The following BAZ1A variants were observed in gnomAD, a reference collection of about 807,000 sequenced individuals.
The protein encoded by BAZ1A is bromodomain adjacent to zinc finger domain 1A.
BAZ1A carries 50 observed loss-of-function variants against 185.2 expected under a neutral mutation model. That is an observed-to-expected ratio of 0.27 (90% CI 0.22 to 0.34). The LOEUF is 0.34. Among genes scored for constraint, BAZ1A ranks in the 10% least tolerant of loss-of-function variants. The pLI, the probability that BAZ1A is intolerant of heterozygous loss-of-function variation, is 1.00. For missense variants in BAZ1A, 1,356 were observed against 1,839.9 expected (o/e 0.74, Z 4.81); for synonymous variants, 571 against 615.6 (o/e 0.93, Z 1.07).
intron 3 of BAZ1A, among the ~76,000 whole-genome samples, chr14:34,852,514 G>A (rs536557547): frequency 5.3e-4 from 81 of 152,264 alleles, no homozygotes; most frequent in African/African-American, 1.9e-3. Context: ...AGCTACTTGG[G>A]AGGCTGGGGC....
At chr14:34,764,224 T>C (rs1878646822) in intron 23 of BAZ1A, among the ~76,000 whole-genome samples, 2 of 152,084 alleles carry the variant, frequency 1.3e-5, no homozygotes, top group Non-Finnish European at 2.9e-5. Flanking sequence ...TATTTTTGAA[T>C]GTTTATAATA....
In BAZ1A at chr14:34,753,326, A is replaced by G; in HGVS notation, c.*182T>C. 1 of 620,592 alleles carries G rather than the reference A, an allele frequency of 1.6e-6. No individual in the cohort carries two copies. Among genetic ancestry groups the G allele is most frequent in the Non-Finnish European group, 2.8e-6 (1 of 362,798 alleles). 38.4% of individuals were successfully genotyped at this position (620,592 alleles called of 1,614,324 possible). On this transcript the variant is annotated 3_prime_UTR_variant, in exon 27 of 27. Transcript: ENST00000360310. ...ATCAAACTTATTAGATACTGAACAA[A>G]ACTGTAGCAAAGGATATCTTTCCTA...
chr14:34,803,425 A>G (rs951791626), intron 6 of BAZ1A, among the ~76,000 whole-genome samples: 2 of 151,274 alleles, frequency 1.3e-5, no homozygotes, highest in African/African-American at 4.8e-5. Flanking sequence ...TTAGAATTTT[A>G]TGCATTATTG....
intron 3 of BAZ1A, among the ~76,000 whole-genome samples, chr14:34,838,531 T>TC (rs1272746049): frequency 5.3e-5 from 8 of 151,908 alleles, no homozygotes; most frequent in Non-Finnish European, 7.4e-5. Context: ...TTTTTTCTTT[T>TC]TTTTTTTGGA....
chr14:34,779,957 A>G (rs1879929623), intron 17 of BAZ1A, among the ~76,000 whole-genome samples: 1 of 152,240 alleles, frequency 6.6e-6, no homozygotes, highest in Non-Finnish European at 1.5e-5. Flanking sequence ...TCTTCTTTCT[A>G]AAGTATAGAT....
intron 4 of BAZ1A, 55 bp downstream of exon 4, chr14:34,825,958 G>T: frequency 6.9e-7 from 1 of 1,446,998 alleles, no homozygotes; most frequent in Non-Finnish European, 9.2e-7. Flanking sequence ...TTATTTCAAT[G>T]GAATATCATT....
chr14:34,807,537 G>T lies in BAZ1A; in HGVS notation c.640C>A (p.Arg214=). The part of the protein sequence containing the change: ...SAIVKATQIS[R]RKHLFSRDKL... ...TCACGAGAAAATAGGTGTTTTCTCCGGCTACAGGAGGCAAGGAAGTCAAAG... is the reference window on the plus strand; with the variant it reads ...TCACGAGAAAATAGGTGTTTTCTCCTGCTACAGGAGGCAAGGAAGTCAAAG... The change falls in exon 6 of 27, where the codon CGG becomes AGG. Residue 214 remains arginine (R), a splice_region_variant and synonymous_variant. Transcript: ENST00000360310. The T allele has an allele frequency of 6.2e-7, 1 of 1,609,424 alleles. No homozygotes were observed.
At position 34,761,902 on chromosome 14, in the gene BAZ1A, A is replaced by T. The variant is rs1044140; in HGVS notation, c.4098T>A (p.Asn1366Lys). The T allele has an allele frequency of 0.089, 143,304 of 1,614,002 alleles. 7,058 individuals carry two copies. The highest frequency in any genetic ancestry group is 0.11 in the Middle Eastern group (638 of 6,062). ...GGAAGTTGGGACTATTTTCTGGTGT[A>T]TTATTAGCACTTTTCCTGCCTCTGC... The part of the protein sequence containing the change: ...RKRRGRKSAN[N>K]TPENSPNFPN... The change falls in exon 24 of 27, where the codon AAT (asparagine) becomes AAA (lysine). Residue 1366 changes from asparagine to lysine, a missense_variant. Around this residue, in one of 7 missense-constraint regions of BAZ1A, gnomAD observed 309 missense variants for 355.3 expected, o/e 0.87. Transcript: ENST00000360310.
intron 2 of BAZ1A, among the ~76,000 whole-genome samples, chr14:34,863,787 G>T (rs1272439639): frequency 1.3e-5 from 2 of 152,134 alleles, no homozygotes; most frequent in Admixed American, 6.6e-5. Flanking sequence ...AAGGAGGGGA[G>T]ACTGGGAAGG....
intron 3 of BAZ1A, among the ~76,000 whole-genome samples, chr14:34,859,358 TGA>T (rs1043605848): frequency 6.6e-6 from 1 of 150,662 alleles, no homozygotes; most frequent in Non-Finnish European, 1.5e-5. Context: ...TGCTTGAGGC[TGA>T]GAGATTGAGG....
At chr14:34,775,825 G>A in intron 18 of BAZ1A, 94 bp downstream of exon 18, 1 of 937,248 alleles carries the variant, frequency 1.1e-6, no homozygotes, top group Non-Finnish European at 1.6e-6. Flanking sequence ...TGTTGTAAAT[G>A]TATTTCTAAT....
At chr14:34,809,715 CCTAGCA>C (rs2041902759) in intron 5 of BAZ1A, among the ~76,000 whole-genome samples, 1 of 151,684 alleles carries the variant, frequency 6.6e-6, no homozygotes, top group African/African-American at 2.4e-5. Flanking sequence ...GTAACCATGG[CCTAGCA>C]GAATAATTAT....
chr14:34,808,348 T>G (rs892576501), intron 5 of BAZ1A, among the ~76,000 whole-genome samples: 4 of 151,126 alleles, frequency 2.6e-5, no homozygotes, highest in Non-Finnish European at 4.4e-5. Flanking sequence ...ACAAAAAAAA[T>G]TAGCTGGGCG....
At position 34,864,221 on chromosome 14, in the gene BAZ1A, G is replaced by A. The variant is rs372317591; in HGVS notation, c.114-1899C>T. The stretch of plus-strand genomic sequence containing the variant: ...TGCAGTGGTACGATCTTAGCTCACT[G>A]CAAATTCTGCCTCCCTGGTTCCAGC... On this transcript the variant is annotated intron_variant, in intron 2 of 26. Transcript: ENST00000360310. Among the ~76,000 whole-genome samples, 13 of 152,156 alleles carry A rather than the reference G, an allele frequency of 8.5e-5. No individual in the cohort carries two copies. The South Asian group carries it at 2.7e-3, about 32-fold the overall frequency.
At chr14:34,828,997 C>G (rs1478713531) in intron 3 of BAZ1A, among the ~76,000 whole-genome samples, 1 of 152,224 alleles carries the variant, frequency 6.6e-6, no homozygotes, top group Non-Finnish European at 1.5e-5. Flanking sequence ...AGACCATTTG[C>G]ACGCCTGCAA....
intron 2 of BAZ1A, among the ~76,000 whole-genome samples, chr14:34,864,593 G>C (rs2042824109): frequency 6.6e-6 from 1 of 151,706 alleles, no homozygotes; most frequent in Admixed American, 6.6e-5. Context: ...TGATTCTCCT[G>C]CCTCAGCCTC....
chr14:34,785,633 A>T, intron 14 of BAZ1A, 144 bp downstream of exon 14: 1 of 649,426 alleles, frequency 1.5e-6, no homozygotes, highest in Non-Finnish European at 2.6e-6. Flanking sequence ...AAATAAAGTT[A>T]ATATGAATAA....
intron 3 of BAZ1A, among the ~76,000 whole-genome samples, chr14:34,853,049 CA>C (rs35471724): frequency 0.25 from 36,648 of 148,682 alleles, 5,473 homozygotes; most frequent in Middle Eastern, 0.35. Context: ...TGAACAATTA[CA>C]AAAAAAAAAA....
intron 2 of BAZ1A, among the ~76,000 whole-genome samples, chr14:34,867,614 T>C (rs2042881493): frequency 6.6e-6 from 1 of 152,254 alleles, no homozygotes; most frequent in South Asian, 2.1e-4. Flanking sequence ...AAAATGTTTG[T>C]GCCATTTGTT....
Sources: allele counts gnomAD v4.1 joint callset (sites outside exome capture counted in the v4.1 genomes callset), GRCh38; gene constraint gnomAD v4.1.1; regional missense constraint gnomAD v4.1.1; transcripts MANE v1.5; gene names NCBI Gene and HGNC (gene_info 2026-07-23, HGNC 2026-07-21).